PIBF1: variants seen among roughly 807,000 people sequenced by gnomAD.
PIBF1 encodes the protein progesterone immunomodulatory binding factor 1.
In PIBF1, 90 loss-of-function variants were observed where a neutral mutation model predicts 112.5. The ratio of observed to expected loss-of-function variants is 0.80; its 90% CI spans 0.67 to 0.95. The LOEUF (loss-of-function observed/expected upper bound fraction) is 0.95, where lower values mean the gene tolerates loss of function less well. PIBF1 is among the 40% of genes least tolerant of loss of function. PIBF1 has a pLI of 0.00. For missense variants in PIBF1, 915 were observed against 852.3 expected, an observed-to-expected ratio of 1.07 and a Z score of -0.92; for synonymous variants, 301 against 288.6, an observed-to-expected ratio of 1.04 and a Z score of -0.44.
chr13:72,898,431 A>T (rs530626897), intron 11 of PIBF1, among the ~76,000 whole-genome samples: 2 of 152,124 alleles, frequency 1.3e-5, no homozygotes, highest in East Asian at 3.9e-4. Context: ...AACCAAACCC[A>T]GCAGAAGAAA....
chr13:72,806,137 C>T (rs1006762930), intron 5 of PIBF1, among the ~76,000 whole-genome samples: 4 of 152,182 alleles, frequency 2.6e-5, no homozygotes, highest in African/African-American at 9.7e-5. Context: ...TCACATTGTG[C>T]AACAGATCTC....
At chr13:73,013,754 GAAAA>G (rs918001805) in intron 17 of PIBF1, among the ~76,000 whole-genome samples, 2 of 112,644 alleles carry the variant, frequency 1.8e-5, no homozygotes, top group Admixed American at 9.0e-5. Flanking sequence ...AAAAAAAAAA[GAAAA>G]AGAAAAAATC....
chr13:72,828,729 G>A, intron 8 of PIBF1, among the ~76,000 whole-genome samples: 1 of 152,180 alleles, frequency 6.6e-6, no homozygotes, highest in Non-Finnish European at 1.5e-5. Flanking sequence ...TGTGAACAGT[G>A]CTGCAGTAAA....
intron 10 of PIBF1, among the ~76,000 whole-genome samples, chr13:72,865,285 T>C (rs913882676): frequency 2.0e-5 from 3 of 152,176 alleles, no homozygotes; most frequent in Non-Finnish European, 4.4e-5. Flanking sequence ...TAATAGGCAG[T>C]AGTATGTTTT....
At chr13:72,818,922 C>G (rs2036420444) in intron 5 of PIBF1, among the ~76,000 whole-genome samples, 1 of 152,038 alleles carries the variant, frequency 6.6e-6, no homozygotes, top group Admixed American at 6.6e-5. Flanking sequence ...TTAAGGCAAC[C>G]AGCCACTCTT....
intron 14 of PIBF1, among the ~76,000 whole-genome samples, chr13:72,945,746 A>G (rs1050687826): frequency 2.6e-5 from 4 of 152,224 alleles, no homozygotes; most frequent in African/African-American, 9.6e-5. Context: ...TGTTGAATCA[A>G]AAAGCCAAAG....
At chr13:72,953,079 T>A (rs2042346786) in intron 14 of PIBF1, among the ~76,000 whole-genome samples, 1 of 152,004 alleles carries the variant, frequency 6.6e-6, no homozygotes, top group Non-Finnish European at 1.5e-5. Flanking sequence ...CACTGAGGTC[T>A]TTTCAGGGAG....
chr13:72,804,035 TG>T (rs1220152615), intron 5 of PIBF1, among the ~76,000 whole-genome samples: 1 of 152,224 alleles, frequency 6.6e-6, no homozygotes, highest in Admixed American at 6.5e-5. Context: ...CTTCAGTCTG[TG>T]GGCTGCATAT....
intron 14 of PIBF1, among the ~76,000 whole-genome samples, chr13:72,940,258 C>T (rs1414724355): frequency 2.0e-5 from 3 of 151,780 alleles, no homozygotes; most frequent in African/African-American, 7.3e-5. Context: ...CTGTGTCTTC[C>T]AGTTCACTAA....
chr13:72,977,572 G>A (rs533168521), intron 16 of PIBF1, among the ~76,000 whole-genome samples: 148 of 152,296 alleles, frequency 9.7e-4, no homozygotes, highest in African/African-American at 3.4e-3. Context: ...CATGTAATGT[G>A]AAGTAAGATC....
intron 17 of PIBF1, among the ~76,000 whole-genome samples, chr13:73,010,229 GTTTTTTT>G (rs35486011): frequency 8.1e-6 from 1 of 123,562 alleles, no homozygotes; most frequent in South Asian, 2.6e-4. Flanking sequence ...TTCTATGCTA[GTTTTTTT>G]TTTTTTTTTT....
At chr13:72,977,622 G>GA (rs143439861) in intron 16 of PIBF1, among the ~76,000 whole-genome samples, 15,637 of 152,224 alleles carry the variant, frequency 0.1, 1,091 homozygotes, top group Non-Finnish European at 0.15. Context: ...GTGTTAAACA[G>GA]AAAAAGCAAG....
At chr13:72,893,207 C>T (rs1594137360) in intron 10 of PIBF1, among the ~76,000 whole-genome samples, 1 of 152,132 alleles carries the variant, frequency 6.6e-6, no homozygotes, top group East Asian at 1.9e-4. Flanking sequence ...ACCGGTTATA[C>T]CTATGGAATG....
intron 10 of PIBF1, among the ~76,000 whole-genome samples, chr13:72,889,707 A>G (rs1374684985): frequency 6.6e-6 from 1 of 152,128 alleles, no homozygotes; most frequent in Middle Eastern, 3.2e-3. Flanking sequence ...ATACAGATAA[A>G]TGCTTTGCCT....
chr13:72,981,126 TC>T (rs1335283185), intron 16 of PIBF1, among the ~76,000 whole-genome samples: 2 of 151,842 alleles, frequency 1.3e-5, no homozygotes, highest in Admixed American at 1.3e-4. Context: ...ACACCCGTAG[TC>T]CCAGCTACTC....
intron 14 of PIBF1, among the ~76,000 whole-genome samples, chr13:72,946,896 T>C (rs2042163722): frequency 6.6e-6 from 1 of 152,156 alleles, no homozygotes; most frequent in Non-Finnish European, 1.5e-5. Context: ...GCTGGCAGTG[T>C]CTACAACTTT....
intron 11 of PIBF1, among the ~76,000 whole-genome samples, chr13:72,898,412 A>G (rs957573533): frequency 6.6e-6 from 1 of 152,058 alleles, no homozygotes; most frequent in African/African-American, 2.4e-5. Flanking sequence ...AACTAGAGAA[A>G]CAAGAATAAA....
At chr13:72,840,711 A>G (rs1018229767) in intron 9 of PIBF1, among the ~76,000 whole-genome samples, 3 of 151,956 alleles carry the variant, frequency 2.0e-5, no homozygotes, top group African/African-American at 7.3e-5. Context: ...TTTAGTACGG[A>G]TGGGGTTTCA....
At chr13:72,859,197 C>G (rs1015724768) in intron 10 of PIBF1, among the ~76,000 whole-genome samples, 5 of 151,986 alleles carry the variant, frequency 3.3e-5, no homozygotes, top group Non-Finnish European at 5.9e-5. Flanking sequence ...CTGAAAGAAG[C>G]AAGTATCACC....
Sources: gnomAD v4.1 joint callset for allele counts (sites outside exome capture counted in the v4.1 genomes callset) on GRCh38, gnomAD v4.1.1 for gene constraint, MANE v1.5 for transcripts, NCBI Gene and HGNC (gene_info 2026-07-23, HGNC 2026-07-21) for gene names.